NXPH2: variants seen among roughly 807,000 people sequenced by gnomAD.
The protein encoded by NXPH2 is neurexophilin 2, also known as neurexophilin-2.
A neutral mutation model predicts 19.8 loss-of-function variants in NXPH2; 5 were observed. The ratio of observed to expected loss-of-function variants is 0.25; its 90% CI spans 0.13 to 0.53. NXPH2 has a LOEUF of 0.53. NXPH2 is among the 20% of genes least tolerant of loss of function. NXPH2 has a pLI of 0.96. For missense variants in NXPH2, 289 were observed against 322.8 expected, an observed-to-expected ratio of 0.90 and a Z score of 0.80; for synonymous variants, 154 against 127.4, an observed-to-expected ratio of 1.21 and a Z score of -1.41.
chr2:138,770,020 A>G (rs1336082102), intron 1 of NXPH2, among the ~76,000 whole-genome samples: 1 of 152,196 alleles, frequency 6.6e-6, no homozygotes, highest in African/African-American at 2.4e-5. Flanking sequence ...AACATGCATA[A>G]TTTTAAAGTT....
intron 1 of NXPH2, among the ~76,000 whole-genome samples, chr2:138,703,827 AG>A (rs1301874632): frequency 1.3e-5 from 2 of 152,228 alleles, no homozygotes; most frequent in East Asian, 3.8e-4. Context: ...GCACTTACTG[AG>A]AACCCATCAT....
At chr2:138,694,803 C>T (rs1187688631) in intron 1 of NXPH2, among the ~76,000 whole-genome samples, 1 of 152,242 alleles carries the variant, frequency 6.6e-6, no homozygotes, top group East Asian at 1.9e-4. Flanking sequence ...AACTAGTCAA[C>T]CACACAATCA....
chr2:138,678,450 T>G (rs1367473311), intron 1 of NXPH2, among the ~76,000 whole-genome samples: 1 of 151,348 alleles, frequency 6.6e-6, no homozygotes, highest in Admixed American at 6.6e-5. Flanking sequence ...TAACCTTAGT[T>G]GAAATTACCT....
intron 1 of NXPH2, among the ~76,000 whole-genome samples, chr2:138,707,928 A>G (rs1681042466): frequency 6.6e-6 from 1 of 152,150 alleles, no homozygotes; most frequent in Admixed American, 6.5e-5. Context: ...GCCCTTTTAA[A>G]ATCTGACCTT....
rs756711035 is a variant in NXPH2 at position 138,669,767 on chromosome 2, T to A, written c.*1155A>T. 6.6e-6 allele frequency among the ~76,000 whole-genome samples: 1 copy of A among 152,174 alleles called. No individual in the cohort carries two copies. The highest frequency in any genetic ancestry group is 1.5e-5 in the Non-Finnish European group (1 of 68,018). Reference sequence around the variant, plus strand: ...CTGCTATTCACCCCCACAGGGAAGATGAGAAGGGCACTGACTGTGAAGTGA... The same window carrying A: ...CTGCTATTCACCCCCACAGGGAAGAAGAGAAGGGCACTGACTGTGAAGTGA... On this transcript the variant is annotated 3_prime_UTR_variant, in exon 2 of 2. Coordinates refer to ENST00000272641, the MANE Select transcript of NXPH2 (RefSeq NM_007226.3).
intron 1 of NXPH2, among the ~76,000 whole-genome samples, chr2:138,693,111 G>C (rs1356608957): frequency 6.6e-6 from 1 of 151,816 alleles, no homozygotes; most frequent in African/African-American, 2.4e-5. Context: ...TTCATGGTTT[G>C]TTCCATGAAT....
chr2:138,692,850 C>A (rs1680764675), intron 1 of NXPH2, among the ~76,000 whole-genome samples: 2 of 152,154 alleles, frequency 1.3e-5, no homozygotes, highest in African/African-American at 4.8e-5. Context: ...CTCCTCAATT[C>A]ATCACTAATT....
At chr2:138,758,652 C>T (rs1274536770) in intron 1 of NXPH2, among the ~76,000 whole-genome samples, 1 of 152,206 alleles carries the variant, frequency 6.6e-6, no homozygotes, top group East Asian at 1.9e-4. Flanking sequence ...TATATGCTTG[C>T]ATTTGCAAAT....
intron 1 of NXPH2, among the ~76,000 whole-genome samples, chr2:138,765,001 G>C (rs1682069868): frequency 6.6e-6 from 1 of 152,156 alleles, no homozygotes; most frequent in Non-Finnish European, 1.5e-5. Context: ...TAGAAGCTAA[G>C]AATACATTGA....
At chr2:138,770,492 T>C (rs1682160428) in intron 1 of NXPH2, among the ~76,000 whole-genome samples, 1 of 152,022 alleles carries the variant, frequency 6.6e-6, no homozygotes, top group Admixed American at 6.5e-5. Flanking sequence ...TCTAGGAGAG[T>C]AAATTTTAAT....
chr2:138,757,587 C>T (rs1681931222), intron 1 of NXPH2, among the ~76,000 whole-genome samples: 1 of 152,044 alleles, frequency 6.6e-6, no homozygotes, highest in Non-Finnish European at 1.5e-5. Context: ...TGTGATCTCC[C>T]CTTCCTGACT....
chr2:138,670,920 G>T lies in NXPH2; in HGVS notation c.*2C>A. The T allele has an allele frequency of 6.2e-7, 1 of 1,609,176 alleles. No homozygotes were observed. The highest frequency in any genetic ancestry group is 1.1e-5 in the South Asian group (1 of 90,590). On this transcript the variant is annotated 3_prime_UTR_variant, in exon 2 of 2. Transcript: ENST00000272641. ...TCCCTCATTTCCACCACAGCAGGAA[G>T]ATCAGCCAGAAGATAAGTATGGGGT...
At chr2:138,744,901 G>C (rs1681702033) in intron 1 of NXPH2, among the ~76,000 whole-genome samples, 1 of 152,194 alleles carries the variant, frequency 6.6e-6, no homozygotes, top group Non-Finnish European at 1.5e-5. Context: ...TGTGGAAAAT[G>C]ATGTGAGGAA....
intron 1 of NXPH2, among the ~76,000 whole-genome samples, chr2:138,764,632 A>G (rs995816732): frequency 6.6e-6 from 1 of 152,230 alleles, no homozygotes; most frequent in Non-Finnish European, 1.5e-5. Flanking sequence ...GATATAAATC[A>G]TATATAATAG....
At chr2:138,707,451 G>A (rs967566062) in intron 1 of NXPH2, among the ~76,000 whole-genome samples, 8 of 152,120 alleles carry the variant, frequency 5.3e-5, no homozygotes, top group Non-Finnish European at 8.8e-5. Flanking sequence ...ATCTGGGGGG[G>A]AGAAAAGCTT....
intron 1 of NXPH2, among the ~76,000 whole-genome samples, chr2:138,761,967 C>T (rs577202536): frequency 1.3e-5 from 2 of 152,166 alleles, no homozygotes; most frequent in South Asian, 2.1e-4. Flanking sequence ...TGGTTAAAAC[C>T]GAGTAGCATA....
chr2:138,743,171 C>T lies in NXPH2; in HGVS notation c.51+37020G>A, dbSNP rs1365236741. ...GCTTGTAACAAAGGCAGTTAGCCTG[C>T]ATTAATTACATACAAGGAGAAATGG... is the stretch of plus-strand genomic sequence containing the variant. On this transcript the variant is annotated intron_variant, in intron 1 of 1. Transcript: ENST00000272641. 2.0e-5 allele frequency among the ~76,000 whole-genome samples: 3 copies of T among 152,130 alleles called. 1 individual carries two copies. Among genetic ancestry groups the T allele is most frequent in the African/African-American group, 2.4e-5 (1 of 41,420 alleles).
At chr2:138,730,832 A>G (rs1476711319) in intron 1 of NXPH2, among the ~76,000 whole-genome samples, 3 of 152,202 alleles carry the variant, frequency 2.0e-5, no homozygotes, top group Non-Finnish European at 2.9e-5. Context: ...CCATGAGCAT[A>G]ACAAATTGGT....
intron 1 of NXPH2, among the ~76,000 whole-genome samples, chr2:138,674,912 C>T (rs948189408): frequency 2.0e-5 from 3 of 152,160 alleles, no homozygotes; most frequent in Non-Finnish European, 2.9e-5. Flanking sequence ...CTACCATTTG[C>T]GGAACATCTG....
Sources: allele counts gnomAD v4.1 joint callset (sites outside exome capture counted in the v4.1 genomes callset), GRCh38; gene constraint gnomAD v4.1.1; transcripts MANE v1.5; gene names NCBI Gene and HGNC (gene_info 2026-07-23, HGNC 2026-07-21).